NUDCD2: variants seen among roughly 807,000 people sequenced by gnomAD.
The protein encoded by NUDCD2 is nudC domain-containing protein 2.
A neutral mutation model predicts 20.8 loss-of-function variants in NUDCD2; 16 were observed. That is an observed-to-expected ratio of 0.77 (90% CI 0.52 to 1.17). The LOEUF (loss-of-function observed/expected upper bound fraction) is 1.17, where lower values mean the gene tolerates loss of function less well. Among genes scored for constraint, NUDCD2 ranks in the 50% most tolerant of loss-of-function variants. The probability of loss-of-function intolerance (pLI) is 0.00; values close to 1 mark genes in which losing one functional copy is unlikely to be tolerated. For missense variants in NUDCD2, 199 were observed against 193.9 expected (o/e 1.03, Z -0.16); for synonymous variants, 87 against 72.8 (o/e 1.20, Z -1.00).
rs1367023512 is a variant in NUDCD2, at chr5:163,448,227, A to G, written c.*5740T>C. 2 of 152,112 alleles carry G rather than the reference A, an allele frequency of 1.3e-5. No individual in the cohort carries two copies. Among genetic ancestry groups the G allele is most frequent in the Non-Finnish European group, 2.9e-5 (2 of 68,026 alleles). The allele number at this position is 152,112 out of a possible 1,614,324, so 9.4% of individuals were successfully genotyped here. ...AAAAAAAAAAAGAGGCAGAAAATAA[A>G]TGCAATTGTAAACAAATTAATAGAA... On this transcript the variant is annotated 3_prime_UTR_variant, in exon 4 of 4. Transcript: ENST00000302764.
At chr5:163,457,876 C>T (rs1231388150) in intron 1 of NUDCD2, among the ~76,000 whole-genome samples, 1 of 151,678 alleles carries the variant, frequency 6.6e-6, no homozygotes, top group Non-Finnish European at 1.5e-5. Context: ...TACAGTAATA[C>T]TGACCACTGG....
chr5:163,459,062 G>A (rs1758400753), intron 1 of NUDCD2: 2 of 151,994 alleles, frequency 1.3e-5, no homozygotes, highest in Admixed American at 1.3e-4. Flanking sequence ...CCATGAGAAG[G>A]GTACTATAAC....
chr5:163,457,850 C>T (rs1201074417), intron 1 of NUDCD2, among the ~76,000 whole-genome samples: 1 of 151,940 alleles, frequency 6.6e-6, no homozygotes, highest in African/African-American at 2.4e-5. Flanking sequence ...ATCAGGGCTC[C>T]TTAATTTTTA....
intron 1 of NUDCD2, among the ~76,000 whole-genome samples, chr5:163,458,042 G>A (rs1196672226): frequency 7.8e-6 from 1 of 127,544 alleles, no homozygotes; most frequent in African/African-American, 3.0e-5. Context: ...AGGCTGCAGT[G>A]GCACGATCTG....
intron 1 of NUDCD2, chr5:163,458,957 A>G (rs938109243): frequency 6.6e-6 from 1 of 152,220 alleles, no homozygotes; most frequent in Non-Finnish European, 1.5e-5. Context: ...TATATATAAT[A>G]GCTAATAGCT....
Position 163,447,160 on chromosome 5 carries a change from T to C in NUDCD2, c.*6807A>G, listed in dbSNP as rs1758056872. 2 of 152,150 alleles carry C rather than the reference T, an allele frequency of 1.3e-5. No individual in the cohort carries two copies. Among genetic ancestry groups the C allele is most frequent in the African/African-American group, 2.4e-5 (1 of 41,408 alleles). The allele number at this position is 152,150 out of a possible 1,614,324, so 9.4% of individuals were successfully genotyped here. A position where few individuals can be genotyped will look rare whatever the true frequency, so the allele number is the denominator to read the frequency against. On this transcript the variant is annotated 3_prime_UTR_variant, in exon 4 of 4. Coordinates refer to ENST00000302764, the MANE Select transcript of NUDCD2 (RefSeq NM_145266.6). ...CTTATTATCAGATCTTAAAAATACATGAAGAGACCAGGTACAGAGACTCAT... is the reference window on the plus strand; with the variant it reads ...CTTATTATCAGATCTTAAAAATACACGAAGAGACCAGGTACAGAGACTCAT...
In NUDCD2 at chr5:163,457,979, C is replaced by CTTTTTTTTT. The variant is rs540496894; in HGVS notation, c.190-378_190-370dup. ...TCCTGCTAAAACTAAAAAATGTTGT[C>CTTTTTTTTT]TTTTTTTTTTTTTTTTTTTTTTTTT... On this transcript the variant is annotated intron_variant, in intron 1 of 3. Coordinates refer to ENST00000302764, the MANE Select transcript of NUDCD2 (RefSeq NM_145266.6). Among the ~76,000 whole-genome samples the CTTTTTTTTT allele has an allele frequency of 6.8e-5, 5 of 73,722 alleles. 2 individuals carry two copies. Among genetic ancestry groups the CTTTTTTTTT allele is most frequent in the East Asian group, 1.2e-3 (2 of 1,722 alleles). The allele number at this position is 73,722 out of a possible 152,430, so 48.4% of individuals were successfully genotyped here. A position where few individuals can be genotyped will look rare whatever the true frequency, so the allele number is the denominator to read the frequency against.
At chr5:163,457,200 C>G in intron 2 of NUDCD2, 120 bp from the exon 3 acceptor site, 1 of 1,066,796 alleles carries the variant, frequency 9.4e-7, no homozygotes, top group Non-Finnish European at 1.3e-6. Flanking sequence ...GGCTTGATCT[C>G]GGCTCACTGA....
rs746568322 is a variant in NUDCD2, at chr5:163,457,032, G to C, written c.287C>G (p.Ala96Gly). Residue 96 changes from alanine to glycine, a missense_variant, in exon 3 of 4, where the codon GCA (alanine) becomes GGA (glycine). Ala to Gly is a moderately conservative substitution (Grantham distance 60, BLOSUM62 0). Transcript: ENST00000302764. ...TAGTAGAGAAGTCCAACAATTTGCT[G>C]CATCTCTCTTTGTCTTTGTAAGAAC... ...RIVLTKTKRDAANCWTSLLES... is the reference protein window; with the variant it reads ...RIVLTKTKRDGANCWTSLLES... 6.2e-7 allele frequency: 1 copy of C among 1,612,828 alleles called. No homozygotes were observed. Among genetic ancestry groups the C allele is most frequent in the South Asian group, 1.1e-5 (1 of 90,934 alleles).
At chr5:163,458,999 G>A (rs966284058) in intron 1 of NUDCD2, 3 of 152,124 alleles carry the variant, frequency 2.0e-5, no homozygotes, top group Non-Finnish European at 2.9e-5. Context: ...ACATACCAGT[G>A]AATACTCCAA....
At position 163,448,077 on chromosome 5, in the gene NUDCD2, T is replaced by C. The variant is rs1025813146; in HGVS notation, c.*5890A>G. On this transcript the variant is annotated 3_prime_UTR_variant, in exon 4 of 4. Transcript: ENST00000302764. ...TCAGAAGGCTGAGGTAGGAGGATCA[T>C]GACCCCACGAGTTTGAGGCTGCAGT... 1 of 151,938 alleles carries C rather than the reference T, an allele frequency of 6.6e-6. No homozygotes were observed. Among genetic ancestry groups the C allele is most frequent in the African/African-American group, 2.4e-5 (1 of 41,366 alleles). 9.4% of individuals were successfully genotyped at this position (151,938 alleles called of 1,614,324 possible). A position where few individuals can be genotyped will look rare whatever the true frequency, so the allele number is the denominator to read the frequency against.
At position 163,453,875 on chromosome 5, in the gene NUDCD2, G is replaced by A. The variant is rs543575302; in HGVS notation, c.*92C>T. ...TACATTTTGCAATCTGTTAACTGTAGGCATCCGCATTTTTCTTCCATTACA... is the reference window on the plus strand; with the variant it reads ...TACATTTTGCAATCTGTTAACTGTAAGCATCCGCATTTTTCTTCCATTACA... On this transcript the variant is annotated 3_prime_UTR_variant, in exon 4 of 4. Transcript: ENST00000302764. 2 of 573,932 alleles carry A rather than the reference G, an allele frequency of 3.5e-6. No homozygotes were observed. The highest frequency in any genetic ancestry group is 7.1e-5 in the South Asian group (2 of 28,200). The allele number at this position is 573,932 out of a possible 1,614,324, so 35.6% of individuals were successfully genotyped here.
chr5:163,448,962 G>C lies in NUDCD2; in HGVS notation c.*5005C>G, dbSNP rs1007585337. Reference sequence around the variant, plus strand: ...ATGGGAACTTGCTCAACATGACAAAGGGAATTTAAGAAAAGCCTACAGCTT... The same window carrying C: ...ATGGGAACTTGCTCAACATGACAAACGGAATTTAAGAAAAGCCTACAGCTT... On this transcript the variant is annotated 3_prime_UTR_variant, in exon 4 of 4. Coordinates refer to ENST00000302764, the MANE Select transcript of NUDCD2 (RefSeq NM_145266.6). The C allele has an allele frequency of 2.6e-5, 4 of 152,146 alleles. No individual in the cohort carries two copies. The highest frequency in any genetic ancestry group is 6.5e-5 in the Admixed American group (1 of 15,272). The allele number at this position is 152,146 out of a possible 1,614,324, so 9.4% of individuals were successfully genotyped here. A position where few individuals can be genotyped will look rare whatever the true frequency, so the allele number is the denominator to read the frequency against.
rs1373191999 is a variant in NUDCD2, at chr5:163,456,072, G to T, written c.390+857C>A. On this transcript the variant is annotated intron_variant, in intron 3 of 3. Transcript: ENST00000302764. ...AAAACAAATATGGAAGGATGTTAGG[G>T]TGTTCAACTTGGACATGTTGAGCTT... Among the ~76,000 whole-genome samples the T allele has an allele frequency of 2.0e-5, 3 of 152,256 alleles. No individual in the cohort carries two copies. The East Asian group carries it at 5.8e-4, about 29-fold the overall frequency.
At position 163,447,458 on chromosome 5, in the gene NUDCD2, AAAAC is replaced by A. The variant is rs1172539066; in HGVS notation, c.*6505_*6508del. 2 of 152,090 alleles carry A rather than the reference AAAAC, an allele frequency of 1.3e-5. No homozygotes were observed. Among genetic ancestry groups the A allele is most frequent in the Non-Finnish European group, 2.9e-5 (2 of 68,030 alleles). 9.4% of individuals were successfully genotyped at this position (152,090 alleles called of 1,614,324 possible). On this transcript the variant is annotated 3_prime_UTR_variant, in exon 4 of 4. Transcript: ENST00000302764. ...AGGGTAAGACTCAAAAAAAAAAAAA[AAAAC>A]ATGAAGCAAAAAGTGGTAGCATTAA...
At chr5:163,454,349 TA>T (rs1758249278) in intron 3 of NUDCD2, among the ~76,000 whole-genome samples, 1 of 152,318 alleles carries the variant, frequency 6.6e-6, no homozygotes, top group South Asian at 2.1e-4. Context: ...TATTTATTAT[TA>T]TTTTTTTTGA....
Position 163,448,204 on chromosome 5 carries a change from A to G in NUDCD2, c.*5763T>C, listed in dbSNP as rs1758088231. The G allele has an allele frequency of 1.3e-5, 2 of 152,066 alleles. No individual in the cohort carries two copies. Among genetic ancestry groups the G allele is most frequent in the East Asian group, 1.9e-4 (1 of 5,196 alleles). The allele number at this position is 152,066 out of a possible 1,614,324, so 9.4% of individuals were successfully genotyped here. ...ACCTAAAGCAAGCAGAAAGAAGAAA[A>G]AAAAAAAAGAGGCAGAAAATAAATG... On this transcript the variant is annotated 3_prime_UTR_variant, in exon 4 of 4. Coordinates refer to ENST00000302764, the MANE Select transcript of NUDCD2 (RefSeq NM_145266.6).
At position 163,447,207 on chromosome 5, in the gene NUDCD2, T is replaced by C. The variant is rs1320193703; in HGVS notation, c.*6760A>G. On this transcript the variant is annotated 3_prime_UTR_variant, in exon 4 of 4. Transcript: ENST00000302764. ...TCATTCATTCCTGTAATTCCAATGC[T>C]TTGGGAAGCCAAGGTGGGAGGATTG... 6.5e-6 allele frequency: 1 copy of C among 152,680 alleles called. No homozygotes were observed. The highest frequency in any genetic ancestry group is 1.9e-4 in the East Asian group (1 of 5,198). The allele number at this position is 152,680 out of a possible 1,614,324, so 9.5% of individuals were successfully genotyped here.
intron 1 of NUDCD2, 67 bp downstream of exon 1, chr5:163,459,795 T>C: frequency 2.1e-6 from 3 of 1,428,920 alleles, no homozygotes; most frequent in Non-Finnish European, 2.9e-6. Flanking sequence ...CCAACAGTCG[T>C]TCAGGGAAAC....
Sources: gnomAD v4.1 joint callset for allele counts (sites outside exome capture counted in the v4.1 genomes callset) on GRCh38, gnomAD v4.1.1 for gene constraint, MANE v1.5 for transcripts, NCBI Gene and HGNC (gene_info 2026-07-23, HGNC 2026-07-21) for gene names.